MALRD1: variants seen among roughly 807,000 people sequenced by gnomAD.
MALRD1 encodes the protein MAM and LDL receptor class A domain containing 1.
In MALRD1, 247 loss-of-function variants were observed where a neutral mutation model predicts 242.1. The ratio of observed to expected loss-of-function variants is 1.02; its 90% CI spans 0.92 to 1.13. The LOEUF is 1.13. MALRD1 is among the 50% of genes most tolerant of loss of function. The probability of loss-of-function intolerance (pLI) is 0.00; values close to 1 mark genes in which losing one functional copy is unlikely to be tolerated. For synonymous variants in MALRD1, 995 were observed against 866.6 expected, an observed-to-expected ratio of 1.15 and a Z score of -2.60; for missense variants, 2,989 against 2,533.1, an observed-to-expected ratio of 1.18 and a Z score of -3.86.
At chr10:19,111,746 C>G (rs1417369689) in intron 5 of MALRD1, among the ~76,000 whole-genome samples, 1 of 152,174 alleles carries the variant, frequency 6.6e-6, no homozygotes, top group Non-Finnish European at 1.5e-5. Flanking sequence ...AGCCAGGATT[C>G]AGATGAGGTC....
chr10:19,095,556 G>A (rs73591908), intron 4 of MALRD1, among the ~76,000 whole-genome samples: 187 of 152,112 alleles, frequency 1.2e-3, no homozygotes, highest in African/African-American at 4.2e-3. Context: ...GATTAATTTG[G>A]GGCTCTTGGA....
intron 33 of MALRD1, among the ~76,000 whole-genome samples, chr10:19,588,446 C>T (rs1837563171): frequency 6.6e-6 from 1 of 152,112 alleles, no homozygotes; most frequent in Non-Finnish European, 1.5e-5. Context: ...TTTGGAGTGT[C>T]CAAGCTCTAT....
chr10:19,504,852 T>G (rs946510880), intron 31 of MALRD1, among the ~76,000 whole-genome samples: 1 of 148,376 alleles, frequency 6.7e-6, no homozygotes, highest in Admixed American at 6.7e-5. Flanking sequence ...CCGGCTAAGT[T>G]TTTGTATTTT....
In MALRD1 at chr10:19,193,254, G is replaced by A. The variant is rs769599729; in HGVS notation, c.1952-10474G>A. ...TACAACATCAGGCATACATAGTCATGAAATAAGATGGAACTATCAAGCCAG... is the reference window on the plus strand; with the variant it reads ...TACAACATCAGGCATACATAGTCATAAAATAAGATGGAACTATCAAGCCAG... On this transcript the variant is annotated intron_variant, in intron 14 of 39. Transcript: ENST00000454679. Among the ~76,000 whole-genome samples the A allele has an allele frequency of 7.4e-4, 112 of 152,248 alleles. 1 individual carries two copies. The highest frequency in any genetic ancestry group is 1.6e-3 in the Admixed American group (25 of 15,266).
chr10:19,480,841 G>C (rs1020392452), intron 29 of MALRD1, among the ~76,000 whole-genome samples: 2 of 151,776 alleles, frequency 1.3e-5, no homozygotes, highest in Non-Finnish European at 2.9e-5. Flanking sequence ...TTTTTTTGGC[G>C]GTTGGGGGGG....
intron 38 of MALRD1, chr10:19,710,929 A>G (rs1834082156): frequency 6.6e-6 from 1 of 152,240 alleles, no homozygotes; most frequent in African/African-American, 2.4e-5. Flanking sequence ...TGGCTCTTAA[A>G]AGAGGTGACT....
intron 18 of MALRD1, among the ~76,000 whole-genome samples, chr10:19,237,306 A>G (rs1378803369): frequency 6.7e-6 from 1 of 150,254 alleles, no homozygotes; most frequent in Non-Finnish European, 1.5e-5. Context: ...CTTCTTCCTC[A>G]CTGTTTGGTA....
intron 32 of MALRD1, among the ~76,000 whole-genome samples, chr10:19,559,730 A>G (rs565011435): frequency 6.6e-6 from 1 of 152,276 alleles, no homozygotes; most frequent in Admixed American, 6.5e-5. Context: ...AATTTTTGCA[A>G]TCTATCCATC....
intron 21 of MALRD1, among the ~76,000 whole-genome samples, chr10:19,310,992 G>A (rs1842402686): frequency 6.6e-6 from 1 of 151,346 alleles, no homozygotes; most frequent in African/African-American, 2.4e-5. Flanking sequence ...TCTCAGATTA[G>A]GCCATGAGAA....
Position 19,692,323 on chromosome 10 carries a change from T to C in MALRD1, c.6179T>C (p.Phe2060Ser). Residue 2060 changes from phenylalanine to serine, a missense_variant, in exon 37 of 40, where the codon TTT becomes TCT. By Grantham distance (155) the Phe-to-Ser change is radical. Transcript: ENST00000454679. ...AAAGGAAATCGATGCCATATCAAGT[T>C]TAATCCTCCTGCTACAGACTTCACA... The part of the protein sequence containing the change: ...GWKGNRCHIK[F>S]NPPATDFTYA... 6.5e-7 allele frequency: 1 copy of C among 1,535,460 alleles called. No individual in the cohort carries two copies. Among genetic ancestry groups the C allele is most frequent in the Non-Finnish European group, 8.7e-7 (1 of 1,146,498 alleles).
chr10:19,445,638 A>T (rs1271304288), intron 28 of MALRD1, among the ~76,000 whole-genome samples: 2 of 152,196 alleles, frequency 1.3e-5, no homozygotes, highest in Non-Finnish European at 2.9e-5. Flanking sequence ...AGAATGGCAA[A>T]TGGTGCTGCC....
intron 26 of MALRD1, among the ~76,000 whole-genome samples, chr10:19,364,517 A>T (rs1446561149): frequency 6.6e-6 from 1 of 152,160 alleles, no homozygotes; most frequent in Non-Finnish European, 1.5e-5. Context: ...CAAGTTTGAA[A>T]TTACAGAATT....
intron 38 of MALRD1, among the ~76,000 whole-genome samples, chr10:19,706,338 T>C (rs1043933551): frequency 2.0e-5 from 3 of 152,142 alleles, no homozygotes; most frequent in Non-Finnish European, 4.4e-5. Flanking sequence ...TTATTTGAGA[T>C]GGACTTTTGC....
At chr10:19,367,404 A>G (rs1845154242) in intron 26 of MALRD1, among the ~76,000 whole-genome samples, 1 of 152,036 alleles carries the variant, frequency 6.6e-6, no homozygotes. Context: ...ACTTAACATA[A>G]TGTCTTCAGT....
At chr10:19,158,889 CAAA>C (rs1462588031) in intron 12 of MALRD1, among the ~76,000 whole-genome samples, 1 of 152,078 alleles carries the variant, frequency 6.6e-6, no homozygotes, top group African/African-American at 2.4e-5. Flanking sequence ...GAACTGGAGT[CAAA>C]GAACAATTTA....
At chr10:19,128,125 G>A in intron 7 of MALRD1, 96 bp from the exon 8 acceptor site, 1 of 832,166 alleles carries the variant, frequency 1.2e-6, no homozygotes, top group South Asian at 6.2e-5. Context: ...TGTGTTTTAA[G>A]TCTAGTTTTG....
At chr10:19,695,134 A>G (rs568950290) in intron 38 of MALRD1, among the ~76,000 whole-genome samples, 3 of 152,298 alleles carry the variant, frequency 2.0e-5, no homozygotes, top group South Asian at 2.1e-4. Flanking sequence ...TGATGAGTTA[A>G]TGGGTGCAGC....
intron 18 of MALRD1, among the ~76,000 whole-genome samples, chr10:19,250,976 T>C (rs1368044168): frequency 6.6e-6 from 1 of 151,964 alleles, no homozygotes; most frequent in East Asian, 1.9e-4. Flanking sequence ...TTATTTACTC[T>C]CTGCCCTCAA....
At chr10:19,671,490 C>A (rs1162480197) in intron 36 of MALRD1, among the ~76,000 whole-genome samples, 2 of 151,884 alleles carry the variant, frequency 1.3e-5, no homozygotes, top group African/African-American at 4.8e-5. Flanking sequence ...TGGTGGCATG[C>A]ACCTGTAGTC....
Sources: allele counts gnomAD v4.1 joint callset (sites outside exome capture counted in the v4.1 genomes callset), GRCh38; gene constraint gnomAD v4.1.1; transcripts MANE v1.5; gene names NCBI Gene and HGNC (gene_info 2026-07-23, HGNC 2026-07-21).